The following FRYL variants were observed in gnomAD, a reference collection of about 807,000 sequenced individuals.
The protein encoded by FRYL is FRY like transcription coactivator.
A neutral mutation model predicts 351.2 loss-of-function variants in FRYL; 150 were observed. That is an observed-to-expected ratio of 0.43 (90% CI 0.37 to 0.49). FRYL has a LOEUF of 0.49. FRYL is among the 20% of genes least tolerant of loss of function. FRYL has a pLI of 0.00. For missense variants in FRYL, 3,036 were observed against 3,619.3 expected (o/e 0.84, Z 4.13); for synonymous variants, 1,153 against 1,257.1 (o/e 0.92, Z 1.75).
chr4:48,657,730 A>G lies in FRYL; in HGVS notation c.-80-23240T>C, dbSNP rs1759541760. Among the ~76,000 whole-genome samples the G allele has an allele frequency of 2.0e-5, 3 of 150,238 alleles. No homozygotes were observed. The South Asian group carries it at 6.4e-4, about 32-fold the overall frequency. Reference sequence around the variant, plus strand: ...TATACTCCTCCCCAACTTTTAGATTATATATTAAAGAAGGCTTTTTAAATG... The same window carrying G: ...TATACTCCTCCCCAACTTTTAGATTGTATATTAAAGAAGGCTTTTTAAATG... On this transcript the variant is annotated intron_variant, in intron 3 of 63. Transcript: ENST00000358350.
Position 48,595,655 on chromosome 4 carries a change from G to GT in FRYL, c.1182dup (p.Arg395ThrfsTer7). On this transcript the variant is annotated frameshift_variant, in exon 15 of 64. Coordinates refer to ENST00000358350, the MANE Select transcript of FRYL (RefSeq NM_015030.2). LOFTEE classifies it high-confidence loss of function. ...GGTGTGTCACGAGGAACCACACTTC[G>GT]TGAGCCTTTTGGAAAAAGTGCTGAC... The GT allele has an allele frequency of 6.2e-7, 1 of 1,613,338 alleles. No individual in the cohort carries two copies. The highest frequency in any genetic ancestry group is 8.5e-7 in the Non-Finnish European group (1 of 1,179,524).
intron 58 of FRYL, 136 bp downstream of exon 58, chr4:48,510,699 T>C: frequency 1.4e-6 from 1 of 716,844 alleles, no homozygotes; most frequent in Non-Finnish European, 2.4e-6. Flanking sequence ...AGAATTGTAG[T>C]TTGCCACATA....
chr4:48,647,927 T>C (rs1223035015), intron 3 of FRYL, among the ~76,000 whole-genome samples: 1 of 152,178 alleles, frequency 6.6e-6, no homozygotes, highest in African/African-American at 2.4e-5. Context: ...CTGAAACTGA[T>C]GTCAATGAGA....
intron 13 of FRYL, among the ~76,000 whole-genome samples, chr4:48,597,565 C>G (rs987471706): frequency 6.6e-6 from 1 of 151,894 alleles, no homozygotes; most frequent in Non-Finnish European, 1.5e-5. Flanking sequence ...TACTGTGAAC[C>G]TAAAACTGCT....
At chr4:48,582,866 A>G (rs1193008073) in intron 19 of FRYL, 132 bp from the exon 20 acceptor site, 5 of 668,636 alleles carry the variant, frequency 7.5e-6, no homozygotes, top group Non-Finnish European at 1.3e-5. Flanking sequence ...ATAGCAACCA[A>G]TGATCACTTT....
At chr4:48,508,572 ATG>A (rs1240969728) in intron 59 of FRYL, among the ~76,000 whole-genome samples, 1 of 152,214 alleles carries the variant, frequency 6.6e-6, no homozygotes, top group Non-Finnish European at 1.5e-5. Flanking sequence ...AACAACCAAA[ATG>A]AATCTATGTG....
At chr4:48,571,745 C>T in intron 26 of FRYL, 1 of 969,924 alleles carries the variant, frequency 1.0e-6, no homozygotes, top group Non-Finnish European at 1.2e-6. Context: ...AGGATGATTT[C>T]TTATCAGTCT....
intron 18 of FRYL, 44 bp from the exon 19 acceptor site, chr4:48,586,772 C>T (rs759311788): frequency 3.1e-6 from 4 of 1,288,482 alleles, no homozygotes; most frequent in Non-Finnish European, 3.3e-6. Flanking sequence ...ATTACATATG[C>T]TAGACAATGA....
At position 48,614,987 on chromosome 4, in the gene FRYL, C is replaced by T. The variant is rs370106218; in HGVS notation, c.411+4287G>A. Among the ~76,000 whole-genome samples the T allele has an allele frequency of 8.7e-4, 132 of 151,754 alleles. 3 individuals are homozygous for T. In the East Asian group the frequency reaches 0.018, roughly 21 times the overall value. ...GACTACAGGCGCCCGCCAACACGCC[C>T]GGCTAATTTTTTGTATTTTTAGTAG... On this transcript the variant is annotated intron_variant, in intron 7 of 63. Transcript: ENST00000358350.
intron 44 of FRYL, among the ~76,000 whole-genome samples, chr4:48,542,765 A>G (rs1644393523): frequency 6.6e-6 from 1 of 151,662 alleles, no homozygotes; most frequent in South Asian, 2.1e-4. Flanking sequence ...ACTTTCCTCT[A>G]CCTCCATAAC....
rs1738098065 is a variant in FRYL, at chr4:48,570,689, T to G, written c.2996+138A>C. On this transcript the variant is annotated intron_variant, in intron 27 of 63. Transcript: ENST00000358350. ...GTGTATCGAATGCATATTTATTTGTTAAATAATTTTCACAGTGATACATAC... is the reference window on the plus strand; with the variant it reads ...GTGTATCGAATGCATATTTATTTGTGAAATAATTTTCACAGTGATACATAC... 5.2e-6 allele frequency: 3 copies of G among 575,522 alleles called. No individual in the cohort carries two copies. In the Middle Eastern group the frequency reaches 8.5e-4, roughly 163 times the overall value. The allele number at this position is 575,522 out of a possible 1,614,324, so 35.7% of individuals were successfully genotyped here.
At chr4:48,580,761 ATTTGTT>A in intron 22 of FRYL, 98 bp downstream of exon 22, 1 of 697,788 alleles carries the variant, frequency 1.4e-6, no homozygotes, top group Non-Finnish European at 2.4e-6. Flanking sequence ...AACTCATTAC[ATTTGTT>A]AAGGAAGTTA....
intron 1 of FRYL, among the ~76,000 whole-genome samples, chr4:48,763,105 G>GT (rs1560369972): frequency 2.3e-4 from 2 of 8,818 alleles, no homozygotes; most frequent in Non-Finnish European, 5.2e-4. Flanking sequence ...GTACAGATCT[G>GT]TAAAAAAAAA....
rs1736180253 is a variant in FRYL at position 48,564,103 on chromosome 4, C to A, written c.3442-1G>T. The stretch of plus-strand genomic sequence containing the variant: ...CTGCTTCACAGCCCAGCTGGTGAAC[C>A]TAGGTAAAGGTTGTGAAATTGCCCG... On this transcript the variant is annotated splice_acceptor_variant, in intron 30 of 63. Coordinates refer to ENST00000358350, the MANE Select transcript of FRYL (RefSeq NM_015030.2). LOFTEE classifies it high-confidence loss of function. 4 of 1,613,288 alleles carry A rather than the reference C, an allele frequency of 2.5e-6. No homozygotes were observed. The highest frequency in any genetic ancestry group is 2.5e-6 in the Non-Finnish European group (3 of 1,179,768).
At chr4:48,515,339 A>C in intron 55 of FRYL, 64 bp from the exon 56 acceptor site, 1 of 1,157,416 alleles carries the variant, frequency 8.6e-7, no homozygotes, top group Non-Finnish European at 1.2e-6. Flanking sequence ...ACAACACAAT[A>C]AATAAGTATT....
In FRYL at chr4:48,716,722, C is replaced by G. The variant is rs1424744335; in HGVS notation, c.-383-6024G>C. Among the ~76,000 whole-genome samples the G allele has an allele frequency of 2.0e-5, 3 of 151,454 alleles. 1 individual carries two copies. The highest frequency in any genetic ancestry group is 2.9e-5 in the Non-Finnish European group (2 of 67,822). On this transcript the variant is annotated intron_variant, in intron 1 of 63. Transcript: ENST00000358350. ...TGTGGAAGTCAGTGTGGCGATTTCT[C>G]AGGGGTCTAGAACTAGAAATACCAT...
Position 48,588,325 on chromosome 4 carries a change from TAA to T in FRYL, c.1640+1418_1640+1419del, listed in dbSNP as rs534132632. Among the ~76,000 whole-genome samples, 33 of 152,362 alleles carry T rather than the reference TAA, an allele frequency of 2.2e-4. No homozygotes were observed. In the South Asian group the frequency reaches 6.4e-3, roughly 30 times the overall value. On this transcript the variant is annotated intron_variant, in intron 18 of 63. Coordinates refer to ENST00000358350, the MANE Select transcript of FRYL (RefSeq NM_015030.2). Reference sequence around the variant, plus strand: ...GTTGCTTTGACACCCATATTAAATATAAGTTTGACTTTCTCATACCAGAAATA... The same window carrying T: ...GTTGCTTTGACACCCATATTAAATATGTTTGACTTTCTCATACCAGAAATA...
intron 32 of FRYL, 39 bp from the exon 33 acceptor site, chr4:48,561,675 T>G: frequency 6.7e-7 from 1 of 1,492,192 alleles, no homozygotes; most frequent in Non-Finnish European, 9.1e-7. Flanking sequence ...GTTAAGATTT[T>G]ATGGGTTCTC....
intron 7 of FRYL, among the ~76,000 whole-genome samples, chr4:48,611,013 G>A (rs186616418): frequency 1.3e-5 from 2 of 151,744 alleles, no homozygotes; most frequent in East Asian, 1.9e-4. Flanking sequence ...GACTCTGAAA[G>A]AAGGAACTGC....
Sources: allele counts gnomAD v4.1 joint callset (sites outside exome capture counted in the v4.1 genomes callset), GRCh38; gene constraint gnomAD v4.1.1; transcripts MANE v1.5; gene names NCBI Gene and HGNC (gene_info 2026-07-23, HGNC 2026-07-21).